BMP6: variants seen among roughly 807,000 people sequenced by gnomAD.
BMP6 encodes the protein VG-1-R.
Under a neutral mutation model 54.1 loss-of-function variants are expected in BMP6, and 17 were observed. The ratio of observed to expected loss-of-function variants is 0.31; its 90% CI spans 0.22 to 0.47. BMP6 has a LOEUF of 0.47. Among genes scored for constraint, BMP6 ranks in the 20% least tolerant of loss-of-function variants. The probability of loss-of-function intolerance (pLI) is 1.00; values close to 1 mark genes in which losing one functional copy is unlikely to be tolerated. For missense variants in BMP6, 720 were observed against 690.4 expected (o/e 1.04, Z -0.48); for synonymous variants, 328 against 291.2 (o/e 1.13, Z -1.28).
rs138906125 is a variant in BMP6 at position 7,872,899 on chromosome 6, A to G, written c.1205-6175A>G. Among the ~76,000 whole-genome samples, 397 of 150,370 alleles carry G rather than the reference A, an allele frequency of 2.6e-3. 2 individuals carry two copies. Among genetic ancestry groups the G allele is most frequent in the African/African-American group, 9.1e-3 (371 of 40,644 alleles). On this transcript the variant is annotated intron_variant, in intron 4 of 6. Coordinates refer to ENST00000283147, the MANE Select transcript of BMP6 (RefSeq NM_001718.6). ...ATAATCAGGGCTCATTGCAGCTTCA[A>G]TCTCCAGGGATCAAGCAGTCCTCCC...
chr6:7,862,529 A>G (rs756840131), intron 4 of BMP6, 31 bp downstream of exon 4: 1 of 1,612,026 alleles, frequency 6.2e-7, no homozygotes, highest in Non-Finnish European at 8.5e-7. Flanking sequence ...TGTTTCCAGA[A>G]AGCCTTGTTG....
intron 1 of BMP6, among the ~76,000 whole-genome samples, chr6:7,759,786 C>T (rs1757583851): frequency 7.2e-6 from 1 of 138,386 alleles, no homozygotes; most frequent in African/African-American, 2.7e-5. Flanking sequence ...TCACTGCGGC[C>T]TCTGCCTCCC....
At chr6:7,839,847 T>C (rs1009050668) in intron 1 of BMP6, among the ~76,000 whole-genome samples, 1 of 152,244 alleles carries the variant, frequency 6.6e-6, no homozygotes, top group African/African-American at 2.4e-5. Flanking sequence ...GCTGGATCAA[T>C]GCTAATTTTA....
intron 1 of BMP6, among the ~76,000 whole-genome samples, chr6:7,729,280 C>G (rs1042867439): frequency 5.9e-5 from 9 of 152,166 alleles, no homozygotes; most frequent in Non-Finnish European, 7.3e-5. Flanking sequence ...TTAGTAAATT[C>G]CTCCCCTTGC....
At chr6:7,801,378 T>A (rs6924424) in intron 1 of BMP6, among the ~76,000 whole-genome samples, 2 of 152,082 alleles carry the variant, frequency 1.3e-5, no homozygotes, top group African/African-American at 4.8e-5. Context: ...CACCTGCAGT[T>A]AGTGACGCTC....
intron 1 of BMP6, among the ~76,000 whole-genome samples, chr6:7,832,690 GAT>G (rs1758810570): frequency 1.3e-5 from 2 of 150,270 alleles, no homozygotes; most frequent in Non-Finnish European, 3.0e-5. Context: ...TTAATAATTA[GAT>G]ATAAGAACAC....
At chr6:7,818,531 C>T (rs1479580409) in intron 1 of BMP6, among the ~76,000 whole-genome samples, 3 of 152,200 alleles carry the variant, frequency 2.0e-5, no homozygotes, top group East Asian at 1.9e-4. Context: ...ACATAGATAA[C>T]TGGACAAGTT....
chr6:7,804,911 T>C (rs1758326717), intron 1 of BMP6, among the ~76,000 whole-genome samples: 1 of 152,100 alleles, frequency 6.6e-6, no homozygotes, highest in South Asian at 2.1e-4. Flanking sequence ...TCTTAGTGTA[T>C]TAAAAAACAC....
In BMP6 at chr6:7,879,134, A is replaced by G. The variant is rs1759669242; in HGVS notation, c.1265A>G (p.Gln422Arg). ...AAGCATGAGCTGTATGTGAGTTTCCAAGACCTGGGATGGCAGGTGAGTTCT... is the reference window on the plus strand; with the variant it reads ...AAGCATGAGCTGTATGTGAGTTTCCGAGACCTGGGATGGCAGGTGAGTTCT... ...CRKHELYVSF[Q>R]DLGWQDWIIA... The change falls in exon 5 of 7, where the codon CAA (glutamine) becomes CGA (arginine). Residue 422 changes from glutamine (Q) to arginine (R), a missense_variant. By Grantham distance (43) the Gln-to-Arg change is conservative. Around this residue, in one of 3 missense-constraint regions of BMP6, gnomAD observed 27 missense variants for 80.1 expected, o/e 0.34. Transcript: ENST00000283147. 1 of 1,614,156 alleles carries G rather than the reference A, an allele frequency of 6.2e-7. No individual in the cohort carries two copies. The highest frequency in any genetic ancestry group is 1.1e-5 in the South Asian group (1 of 91,084).
intron 1 of BMP6, among the ~76,000 whole-genome samples, chr6:7,764,016 C>T (rs978654243): frequency 1.3e-5 from 2 of 152,208 alleles, no homozygotes; most frequent in Non-Finnish European, 2.9e-5. Context: ...AAGGATCCGT[C>T]TTCAGAAATG....
chr6:7,876,315 A>G (rs1759614248), intron 4 of BMP6, among the ~76,000 whole-genome samples: 1 of 152,214 alleles, frequency 6.6e-6, no homozygotes, highest in African/African-American at 2.4e-5. Context: ...TAATTTCACT[A>G]CATGTGGCTA....
Position 7,727,196 on chromosome 6 carries a change from A to G in BMP6, c.241A>G (p.Lys81Glu). 6.2e-7 allele frequency: 1 copy of G among 1,604,264 alleles called. No individual in the cohort carries two copies. Among genetic ancestry groups the G allele is most frequent in the Non-Finnish European group, 8.5e-7 (1 of 1,176,264 alleles). ...LKTQEKREMQ[K>E]EILSVLGLPH... ...GACGCAGGAGAAGCGGGAGATGCAG[A>G]AGGAGATCTTGTCGGTGCTGGGGCT... is the stretch of plus-strand genomic sequence containing the variant. Residue 81 changes from lysine to glutamate, a missense_variant, in exon 1 of 7, where the codon AAG becomes GAG. By Grantham distance (56) the Lys-to-Glu change is moderately conservative (BLOSUM62 1). Coordinates refer to ENST00000283147, the MANE Select transcript of BMP6 (RefSeq NM_001718.6).
At chr6:7,733,897 A>G (rs952629511) in intron 1 of BMP6, among the ~76,000 whole-genome samples, 7 of 152,146 alleles carry the variant, frequency 4.6e-5, no homozygotes, top group South Asian at 2.1e-4. Context: ...AGTTAACTCT[A>G]ATTTTTCAGT....
At chr6:7,792,864 C>G (rs1319373374) in intron 1 of BMP6, among the ~76,000 whole-genome samples, 1 of 152,212 alleles carries the variant, frequency 6.6e-6, no homozygotes, top group African/African-American at 2.4e-5. Flanking sequence ...AACCCCTTTG[C>G]AGCTGAGTGT....
intron 1 of BMP6, among the ~76,000 whole-genome samples, chr6:7,807,071 T>C (rs927406): frequency 0.44 from 66,696 of 152,066 alleles, 15,342 homozygotes; most frequent in East Asian, 0.59. Flanking sequence ...TTGCTTCAGA[T>C]TGTCAATTTT....
At chr6:7,817,725 A>T (rs267805) in intron 1 of BMP6, among the ~76,000 whole-genome samples, 117,022 of 151,198 alleles carry the variant, frequency 0.77, 45,532 homozygotes, top group East Asian at 0.99. Flanking sequence ...AAGTATAATT[A>T]AAAAAAAAAA....
Position 7,727,448 on chromosome 6 carries a change from G to C in BMP6, c.493G>C (p.Ala165Pro). ...GAGGCAGCAGTCCTGGCCCCACGAA[G>C]CAGCCAGCTCGTCCCAGCGTCGGCA... ...GERQQSWPHE[A>P]ASSSQRRQPP... The change falls in exon 1 of 7, where the codon GCA becomes CCA. Residue 165 changes from alanine (A) to proline (P), a missense_variant. Ala to Pro is a conservative substitution (Grantham distance 27). Transcript: ENST00000283147. 1 of 1,601,960 alleles carries C rather than the reference G, an allele frequency of 6.2e-7. No individual in the cohort carries two copies. Among genetic ancestry groups the C allele is most frequent in the Non-Finnish European group, 8.5e-7 (1 of 1,176,626 alleles).
intron 1 of BMP6, among the ~76,000 whole-genome samples, chr6:7,738,942 C>T (rs98899): frequency 0.83 from 126,416 of 152,102 alleles, 54,344 homozygotes; most frequent in East Asian, 1. Context: ...TTTTCTCTTA[C>T]GGGCTTTGTA....
At position 7,782,710 on chromosome 6, in the gene BMP6, G is replaced by A. The variant is rs577989365; in HGVS notation, c.664+55091G>A. 3.3e-4 allele frequency among the ~76,000 whole-genome samples: 50 copies of A among 151,798 alleles called. 1 individual carries two copies. The South Asian group carries it at 7.3e-3, about 22-fold the overall frequency. On this transcript the variant is annotated intron_variant, in intron 1 of 6. Transcript: ENST00000283147. ...AGAACAAGATTCCATCTCAAAAAAAGAAAAAAGAGAAAGAAAAAAAAGTAT... is the reference window on the plus strand; with the variant it reads ...AGAACAAGATTCCATCTCAAAAAAAAAAAAAAGAGAAAGAAAAAAAAGTAT...
Sources: allele counts gnomAD v4.1 joint callset (sites outside exome capture counted in the v4.1 genomes callset), GRCh38; gene constraint gnomAD v4.1.1; regional missense constraint gnomAD v4.1.1; transcripts MANE v1.5; gene names NCBI Gene and HGNC (gene_info 2026-07-23, HGNC 2026-07-21).